The following PBRM1 variants were observed in gnomAD, a reference collection of about 807,000 sequenced individuals.
The protein encoded by PBRM1 is protein polybromo-1.
A neutral mutation model predicts 194.5 loss-of-function variants in PBRM1; 27 were observed. The ratio of observed to expected loss-of-function variants is 0.14; its 90% CI spans 0.10 to 0.19. The LOEUF (loss-of-function observed/expected upper bound fraction) is 0.19. Among genes scored for constraint, PBRM1 ranks in the 10% least tolerant of loss-of-function variants. The pLI, the probability that PBRM1 is intolerant of heterozygous loss-of-function variation, is 1.00. For missense variants in PBRM1, 1,466 were observed against 2,077.2 expected (o/e 0.71, Z 5.72); for synonymous variants, 655 against 693.2 (o/e 0.94, Z 0.87).
chr3:52,648,313 AAAC>A lies in PBRM1; in HGVS notation c.813+28_813+30del, dbSNP rs752396114. On this transcript the variant is annotated intron_variant, in intron 7 of 29. Coordinates refer to ENST00000296302, the Ensembl canonical transcript of PBRM1. ...TTAAATTATCTACTATTACCAAGGA[AAAC>A]AACAACAACAACAACAACAAAACTA... is the stretch of plus-strand genomic sequence containing the variant. The A allele has an allele frequency of 1.9e-3, 2,287 of 1,236,180 alleles. 1 individual carries two copies. Among genetic ancestry groups the A allele is most frequent in the South Asian group, 2.4e-3 (180 of 76,490 alleles). 76.6% of individuals were successfully genotyped at this position (1,236,180 alleles called of 1,614,324 possible).
At chr3:52,672,555 C>T (rs1406370582) in intron 2 of PBRM1, among the ~76,000 whole-genome samples, 4 of 141,236 alleles carry the variant, frequency 2.8e-5, no homozygotes, top group Non-Finnish European at 3.0e-5. Context: ...AGTGCAACAG[C>T]GTTATCTCCG....
chr3:52,643,150 C>T (rs901726075), intron 9 of PBRM1, 98 bp downstream of exon 10: 15 of 879,430 alleles, frequency 1.7e-5, no homozygotes, highest in Middle Eastern at 2.3e-4. Flanking sequence ...CCAAACTATA[C>T]CCAAAAATAT....
chr3:52,663,661 G>A (rs2096770838), intron 3 of PBRM1, among the ~76,000 whole-genome samples: 1 of 152,164 alleles, frequency 6.6e-6, no homozygotes, highest in South Asian at 2.1e-4. Context: ...TAGCAAAAAT[G>A]ACAGTGACAA....
At chr3:52,613,166 C>G (rs144046740) in intron 15 of PBRM1, among the ~76,000 whole-genome samples, 2,550 of 152,118 alleles carry the variant, frequency 0.017, 36 homozygotes, top group South Asian at 0.03. Context: ...TGGCAGATAT[C>G]TGCACATATT....
intron 5 of PBRM1, among the ~76,000 whole-genome samples, chr3:52,655,903 A>G (rs959078784): frequency 6.6e-6 from 1 of 152,252 alleles, no homozygotes; most frequent in African/African-American, 2.4e-5. Flanking sequence ...AGTAATCCAA[A>G]GTCATCCAAT....
chr3:52,562,502 T>C (rs971517032), intron 24 of PBRM1, among the ~76,000 whole-genome samples: 2 of 151,644 alleles, frequency 1.3e-5, no homozygotes, highest in African/African-American at 4.8e-5. Context: ...GTGCAATCTG[T>C]AATGGTGACC....
chr3:52,652,689 CA>C (rs201176113), intron 5 of PBRM1, among the ~76,000 whole-genome samples: 6 of 147,308 alleles, frequency 4.1e-5, no homozygotes, highest in African/African-American at 5.0e-5. Context: ...GACTCCATCT[CA>C]AAAAAAAAAT....
intron 17 of PBRM1, among the ~76,000 whole-genome samples, chr3:52,599,908 T>C (rs2093867714): frequency 1.3e-5 from 2 of 152,096 alleles, no homozygotes; most frequent in Admixed American, 1.3e-4. Context: ...TAACATTTCA[T>C]GGATGTATTA....
intron 16 of PBRM1, among the ~76,000 whole-genome samples, chr3:52,606,113 C>T (rs150115821): frequency 5.8e-4 from 88 of 152,176 alleles, no homozygotes; most frequent in African/African-American, 2.0e-3. Context: ...ATCCTCCCAC[C>T]TCAACCTCTC....
At chr3:52,565,201 A>G (rs1327355708) in intron 22 of PBRM1, among the ~76,000 whole-genome samples, 3 of 151,604 alleles carry the variant, frequency 2.0e-5, no homozygotes, top group Non-Finnish European at 4.4e-5. Flanking sequence ...TCCGTCTCAA[A>G]AAAAAAAAAT....
rs143627604 is a variant in PBRM1 at position 52,551,269 on chromosome 3, C to T, written c.4610-452G>A. ...CACAAGGGAAGAGGCTGTGGAAGTG[C>T]ATAGTTAAATGAGCTTTGTGAAGGC... On this transcript the variant is annotated intron_variant, in intron 27 of 29. Coordinates refer to ENST00000296302, the Ensembl canonical transcript of PBRM1. Among the ~76,000 whole-genome samples the T allele has an allele frequency of 2.1e-4, 32 of 152,282 alleles. No individual in the cohort carries two copies. The East Asian group carries it at 6.0e-3, about 28-fold the overall frequency.
intron 17 of PBRM1, among the ~76,000 whole-genome samples, chr3:52,599,578 G>A (rs531128344): frequency 4.0e-5 from 6 of 151,578 alleles, no homozygotes; most frequent in East Asian, 1.9e-4. Context: ...TTGGACAGCC[G>A]AGGCGGGCGG....
At chr3:52,660,010 G>C (rs993560714) in intron 4 of PBRM1, among the ~76,000 whole-genome samples, 1 of 152,212 alleles carries the variant, frequency 6.6e-6, no homozygotes, top group Admixed American at 6.5e-5. Flanking sequence ...AGAATCGTTT[G>C]AACCCAAGAG....
chr3:52,596,776 T>A (rs2093599370), intron 17 of PBRM1, among the ~76,000 whole-genome samples: 1 of 151,640 alleles, frequency 6.6e-6, no homozygotes. Context: ...GAAGATGACT[T>A]TTTCGGAGCT....
intron 2 of PBRM1, among the ~76,000 whole-genome samples, chr3:52,672,315 G>A (rs1423150520): frequency 6.6e-6 from 1 of 151,974 alleles, no homozygotes; most frequent in Non-Finnish European, 1.5e-5. Flanking sequence ...CAGGATAACC[G>A]CTCCAATTCA....
chr3:52,664,603 C>T (rs2153958620), intron 3 of PBRM1, among the ~76,000 whole-genome samples: 1 of 151,556 alleles, frequency 6.6e-6, no homozygotes, highest in South Asian at 2.1e-4. Flanking sequence ...GGCATGGTGG[C>T]AGGCGCCTGT....
chr3:52,577,081 A>C (rs2153665524), intron 21 of PBRM1, among the ~76,000 whole-genome samples: 1 of 152,344 alleles, frequency 6.6e-6, no homozygotes, highest in South Asian at 2.1e-4. Context: ...GTCAGATCAC[A>C]TGAGTGGCAG....
In PBRM1 at chr3:52,624,248, C is replaced by T. The variant is rs572580513; in HGVS notation, c.1541+3025G>A. Among the ~76,000 whole-genome samples, 4 of 152,286 alleles carry T rather than the reference C, an allele frequency of 2.6e-5. No individual in the cohort carries two copies. In the East Asian group the frequency reaches 7.7e-4, roughly 29 times the overall value. On this transcript the variant is annotated intron_variant, in intron 13 of 29. Coordinates refer to ENST00000296302, the Ensembl canonical transcript of PBRM1. ...TGTTCCTGGCAGGTAAAAGAGATGA[C>T]TAAATGTTCTCCTTTATAAACTGTA...
At chr3:52,683,566 C>T (rs961181307), upstream of PBRM1, among the ~76,000 whole-genome samples, 1 of 151,922 alleles carries the variant, frequency 6.6e-6, no homozygotes. Context: ...GTAATCCCAG[C>T]AATTTAGGAG....
Sources: gnomAD v4.1 joint callset for allele counts (sites outside exome capture counted in the v4.1 genomes callset) on GRCh38, gnomAD v4.1.1 for gene constraint, MANE v1.5 for transcripts, NCBI Gene and HGNC (gene_info 2026-07-23, HGNC 2026-07-21) for gene names.